DNAH5: variants seen among roughly 807,000 people sequenced by gnomAD.
DNAH5 encodes axonemal beta dynein heavy chain 5.
Under a neutral mutation model 518.2 loss-of-function variants are expected in DNAH5, and 372 were observed. That is an observed-to-expected ratio of 0.72 (90% CI 0.66 to 0.78). The LOEUF is 0.78. DNAH5 is among the 30% of genes least tolerant of loss of function. The pLI is 0.00. For missense variants in DNAH5, 5,523 were observed against 5,687.0 expected (o/e 0.97, Z 0.93); for synonymous variants, 2,039 against 2,025.9 (o/e 1.01, Z -0.17).
At chr5:14,003,392 T>C (rs186339504) in intron 1 of DNAH5, among the ~76,000 whole-genome samples, 17 of 152,332 alleles carry the variant, frequency 1.1e-4, no homozygotes, top group Admixed American at 7.8e-4. Flanking sequence ...GATTCACTTA[T>C]AATGTGAGCA....
At chr5:13,977,793 G>T (rs1164530679) in intron 1 of DNAH5, among the ~76,000 whole-genome samples, 2 of 152,162 alleles carry the variant, frequency 1.3e-5, no homozygotes, top group Non-Finnish European at 2.9e-5. Context: ...GGAAGTCCTT[G>T]GTGGGGGCTG....
At chr5:13,950,666 T>C (rs4702005) in intron 1 of DNAH5, among the ~76,000 whole-genome samples, 86,161 of 152,202 alleles carry the variant, frequency 0.57, 25,486 homozygotes, top group Non-Finnish European at 0.64. Context: ...TGAAGACATG[T>C]AAATTCAATT....
In DNAH5 at chr5:13,766,111, G is replaced by A. The variant is rs1752480559; in HGVS notation, c.9966C>T (p.Ile3322=). Reference sequence around the variant, plus strand: ...GAAACAGCAGCAGTACGCAATCCATGATCCGCATGATGAGGTGAGGGGGGC... The same window carrying A: ...GAAACAGCAGCAGTACGCAATCCATAATCCGCATGATGAGGTGAGGGGGGC... The part of the protein sequence containing the change: ...LGRPPHLIMR[I]MDCVLLLFQR... The change falls in exon 59 of 79, where the codon ATC becomes ATT. Residue 3322 remains isoleucine (I), a synonymous_variant. Transcript: ENST00000265104. 4 of 1,614,168 alleles carry A rather than the reference G, an allele frequency of 2.5e-6. No individual in the cohort carries two copies. Among genetic ancestry groups the A allele is most frequent in the Non-Finnish European group, 3.4e-6 (4 of 1,180,026 alleles).
chr5:13,820,563 G>A lies in DNAH5; in HGVS notation c.6688-64C>T, dbSNP rs182286534. ...ATGATGGCCGGACACGGTGGCTCACGCCTGTAATCCCAACAATTTGGGAGG... is the reference window on the plus strand; with the variant it reads ...ATGATGGCCGGACACGGTGGCTCACACCTGTAATCCCAACAATTTGGGAGG... On this transcript the variant is annotated intron_variant, in intron 40 of 78. Transcript: ENST00000265104. The A allele has an allele frequency of 6.9e-5, 110 of 1,587,904 alleles. No individual in the cohort carries two copies. In the Admixed American group the frequency reaches 1.0e-3, roughly 15 times the overall value.
chr5:13,978,074 G>A (rs995757481), intron 1 of DNAH5, among the ~76,000 whole-genome samples: 2 of 152,214 alleles, frequency 1.3e-5, no homozygotes, highest in East Asian at 1.9e-4. Context: ...GCCAAGCATC[G>A]TCCCTATGGA....
intron 35 of DNAH5, among the ~76,000 whole-genome samples, chr5:13,833,894 C>T (rs16902802): frequency 0.021 from 3,155 of 152,322 alleles, 64 homozygotes; most frequent in Non-Finnish European, 0.029. Flanking sequence ...ATGTCTGCAA[C>T]TCTGTCCACA....
At position 13,753,131 on chromosome 5, in the gene DNAH5, A is replaced by C. The variant is rs544792300; in HGVS notation, c.10872+102T>G. ...CTACTGCTCTACCTAGGATTACAAA[A>C]ACATCTCTAGTGTTTTCAAATATTT... On this transcript the variant is annotated intron_variant, in intron 63 of 78. Coordinates refer to ENST00000265104, the MANE Select transcript of DNAH5 (RefSeq NM_001369.3). 5 of 854,290 alleles carry C rather than the reference A, an allele frequency of 5.9e-6. No individual in the cohort carries two copies. The African/African-American group carries it at 8.4e-5, about 14-fold the overall frequency. The allele number at this position is 854,290 out of a possible 1,614,324, so 52.9% of individuals were successfully genotyped here.
chr5:13,821,995 T>A (rs905754904), intron 40 of DNAH5, among the ~76,000 whole-genome samples: 2 of 152,100 alleles, frequency 1.3e-5, no homozygotes, highest in African/African-American at 4.8e-5. Flanking sequence ...GAGTTCTCGC[T>A]ATGTTGCTCA....
At chr5:13,927,100 C>A (rs1217554428) in intron 3 of DNAH5, among the ~76,000 whole-genome samples, 1 of 152,040 alleles carries the variant, frequency 6.6e-6, no homozygotes, top group Non-Finnish European at 1.5e-5. Flanking sequence ...TTAAATAATA[C>A]ATTTAATCAG....
chr5:13,911,052 T>G (rs1477073575), intron 12 of DNAH5, among the ~76,000 whole-genome samples: 1 of 152,184 alleles, frequency 6.6e-6, no homozygotes, highest in Non-Finnish European at 1.5e-5. Context: ...TCATAATCAT[T>G]GCTACACAGT....
At chr5:13,704,276 A>G (rs552057652) in intron 76 of DNAH5, among the ~76,000 whole-genome samples, 2 of 151,952 alleles carry the variant, frequency 1.3e-5, no homozygotes, top group South Asian at 4.2e-4. Flanking sequence ...GGGGAAAGGG[A>G]CCACACACTC....
Position 13,758,863 on chromosome 5 carries a change from C to G in DNAH5, c.10402G>C (p.Ala3468Pro). ...GCAGTTACCTGCTTTTCAGTCATGG[C>G]CTGTTCATACTCAGCCTGCACCACG... Reference protein sequence around the residue: ...LDVVQAEYEQAMTEKQTLLED... With the variant: ...LDVVQAEYEQPMTEKQTLLED... Residue 3468 changes from alanine (A) to proline (P), a missense_variant, in exon 61 of 79, where the codon GCC (alanine) becomes CCC (proline). Transcript: ENST00000265104. 6.2e-7 allele frequency: 1 copy of G among 1,614,140 alleles called. No homozygotes were observed. The highest frequency in any genetic ancestry group is 8.5e-7 in the Non-Finnish European group (1 of 1,180,004).
chr5:13,721,058 G>GA lies in DNAH5; in HGVS notation c.12220dup (p.Ser4074PhefsTer34). On this transcript the variant is annotated frameshift_variant, in exon 71 of 79. Coordinates refer to ENST00000265104, the MANE Select transcript of DNAH5 (RefSeq NM_001369.3). LOFTEE classifies it high-confidence loss of function. The stretch of plus-strand genomic sequence containing the variant: ...ATGGACTTCCTGGCCCTGGCCCATG[G>GA]ACACATAACGGGTTTCTATTTTTAA... 6.2e-7 allele frequency: 1 copy of GA among 1,614,106 alleles called. No individual in the cohort carries two copies. The highest frequency in any genetic ancestry group is 8.5e-7 in the Non-Finnish European group (1 of 1,179,986).
chr5:13,694,749 C>T (rs1343496461), intron 78 of DNAH5, among the ~76,000 whole-genome samples: 1 of 152,130 alleles, frequency 6.6e-6, no homozygotes, highest in Admixed American at 6.6e-5. Context: ...CTTTATTTAA[C>T]CACCCTTTTG....
chr5:13,886,072 C>T lies in DNAH5; in HGVS notation c.2635G>A (p.Ala879Thr). Residue 879 changes from alanine to threonine, a missense_variant, in exon 18 of 79, where the codon GCA becomes ACA. Around this residue, in one of 3 missense-constraint regions of DNAH5, gnomAD observed 5,121 missense variants for 5,223.3 expected, o/e 0.98. Coordinates refer to ENST00000265104, the MANE Select transcript of DNAH5 (RefSeq NM_001369.3). ...LHFKSSLVEE[A>T]VNELVNMLLD... ...AACATATTTACAAGCTCATTGACTG[C>T]CTCCTCCACTAATGAGCTTTTAAAA... 2 of 1,611,112 alleles carry T rather than the reference C, an allele frequency of 1.2e-6. No homozygotes were observed. Among genetic ancestry groups the T allele is most frequent in the Non-Finnish European group, 1.7e-6 (2 of 1,179,654 alleles).
intron 17 of DNAH5, among the ~76,000 whole-genome samples, chr5:13,888,152 T>C (rs1354004766): frequency 6.6e-6 from 1 of 152,214 alleles, no homozygotes; most frequent in African/African-American, 2.4e-5. Context: ...CCTCTTGTTT[T>C]GGTGAATGCA....
intron 35 of DNAH5, among the ~76,000 whole-genome samples, chr5:13,834,016 T>C (rs1764039932): frequency 6.6e-6 from 1 of 152,212 alleles, no homozygotes. Context: ...TTTTTAAAAG[T>C]ACTAATTTCA....
chr5:13,795,587 C>CCAGA (rs570932044), intron 47 of DNAH5, among the ~76,000 whole-genome samples: 3 of 152,196 alleles, frequency 2.0e-5, no homozygotes, highest in Non-Finnish European at 4.4e-5. Flanking sequence ...AAGTCCAGGA[C>CCAGA]CAGACGGATT....
chr5:13,749,616 T>C (rs1416795052), intron 65 of DNAH5, among the ~76,000 whole-genome samples: 1 of 152,162 alleles, frequency 6.6e-6, no homozygotes. Context: ...TTCAGTTGAA[T>C]ATAAGAAAAC....
Sources: allele counts gnomAD v4.1 joint callset (sites outside exome capture counted in the v4.1 genomes callset), GRCh38; gene constraint gnomAD v4.1.1; regional missense constraint gnomAD v4.1.1; transcripts MANE v1.5; gene names NCBI Gene and HGNC (gene_info 2026-07-23, HGNC 2026-07-21).